Variants in SLC45A1 observed in about 807,000 individuals in gnomAD.
SLC45A1 encodes the protein proton-associated sugar transporter A.
SLC45A1 carries 28 observed loss-of-function variants against 57.6 expected under a neutral mutation model. That is an observed-to-expected ratio of 0.49 (90% CI 0.36 to 0.67). The LOEUF is 0.67. Ranked by LOEUF, SLC45A1 falls within the 30% of genes least tolerant of loss-of-function variation. The pLI, the probability that SLC45A1 is intolerant of heterozygous loss-of-function variation, is 0.00. For missense variants in SLC45A1, 814 were observed against 1,041.5 expected (o/e 0.78, Z 3.01); for synonymous variants, 459 against 471.5 (o/e 0.97, Z 0.34).
chr1:8,330,923 C>G lies in SLC45A1; in HGVS notation c.1430C>G (p.Thr477Ser). The change falls in exon 5 of 9, where the codon ACC (threonine) becomes AGC (serine). Residue 477 changes from threonine to serine, a missense_variant. Physicochemically the swap from Thr to Ser is moderately conservative, Grantham distance 58. Coordinates refer to ENST00000471889, the MANE Select transcript of SLC45A1 (RefSeq NM_001080397.3). This position sits in a 1 kb window ranked among gnomAD's most constrained non-coding sequence, Gnocchi z 8.4. ...GAAACCAGCAGGAGAAGGAATGTGA[C>G]CTTCAGTCAGCAGGTAACAGCAAAT... The part of the protein sequence containing the change: ...GPETSRRRNV[T>S]FSQQVANILL... 3 of 1,590,734 alleles carry G rather than the reference C, an allele frequency of 1.9e-6. No homozygotes were observed. The highest frequency in any genetic ancestry group is 2.6e-6 in the Non-Finnish European group (3 of 1,164,466).
At chr1:8,318,930 T>C (rs1639907004) in intron 1 of SLC45A1, among the ~76,000 whole-genome samples, 1 of 152,182 alleles carries the variant, frequency 6.6e-6, no homozygotes, top group Admixed American at 6.5e-5. Context: ...CCCAAGTCCG[T>C]AGAGCACCTT....
Position 8,339,705 on chromosome 1 carries a change from GCT to G in SLC45A1, c.1980+11_1980+12del. 1 of 1,612,838 alleles carries G rather than the reference GCT, an allele frequency of 6.2e-7. No individual in the cohort carries two copies. The highest frequency in any genetic ancestry group is 8.5e-7 in the Non-Finnish European group (1 of 1,178,838). ...TTACTATCAGAGTAAGAAGGTAAGT[GCT>G]CTCCCTTGTCTTGCTTCGGGTCTGC... On this transcript the variant is annotated splice_region_variant and intron_variant, in intron 8 of 8. Transcript: ENST00000471889.
rs1553150752 is a variant in SLC45A1 at position 8,330,799 on chromosome 1, A to G, written c.1306A>G (p.Arg436Gly). 3 of 1,613,460 alleles carry G rather than the reference A, an allele frequency of 1.9e-6. No individual in the cohort carries two copies. The South Asian group carries it at 3.3e-5, about 18-fold the overall frequency. ...CTCCGGCTGTGACGGGGACATTCTG[A>G]GGGTGGGCTCCTTGGACACCTCTAA... ...LTSGCDGDIL[R>G]VGSLDTSKPR... Residue 436 changes from arginine (R) to glycine (G), a missense_variant, in exon 5 of 9, where the codon AGG becomes GGG. Coordinates refer to ENST00000471889, the MANE Select transcript of SLC45A1 (RefSeq NM_001080397.3). This position sits in a 1 kb window ranked among gnomAD's most constrained non-coding sequence, Gnocchi z 8.4.
intron 5 of SLC45A1, among the ~76,000 whole-genome samples, chr1:8,333,045 C>T (rs1481287811): frequency 6.6e-6 from 1 of 152,086 alleles, no homozygotes; most frequent in East Asian, 1.9e-4. Flanking sequence ...CGCAGACGCA[C>T]GTGGGCCGTG....
Position 8,342,064 on chromosome 1 carries a change from G to A in SLC45A1, c.1981-1683G>A, listed in dbSNP as rs557318201. On this transcript the variant is annotated intron_variant, in intron 8 of 8. Transcript: ENST00000471889. Reference sequence around the variant, plus strand: ...CTACTAAAAATACAAAAAATTAGCCGGGCGTGGTGGCGGGCGCCTGTAGTC... The same window carrying A: ...CTACTAAAAATACAAAAAATTAGCCAGGCGTGGTGGCGGGCGCCTGTAGTC... Among the ~76,000 whole-genome samples, 23 of 147,706 alleles carry A rather than the reference G, an allele frequency of 1.6e-4. 1 individual carries two copies. Among genetic ancestry groups the A allele is most frequent in the Admixed American group, 4.7e-4 (7 of 14,854 alleles).
At chr1:8,338,707 C>G (rs771276233) in intron 7 of SLC45A1, among the ~76,000 whole-genome samples, 3 of 152,232 alleles carry the variant, frequency 2.0e-5, no homozygotes, top group African/African-American at 7.2e-5. Context: ...GCACTGTGTT[C>G]GCTGAAATAC....
chr1:8,330,204 C>T lies in SLC45A1; in HGVS notation c.716-5C>T, dbSNP rs771912671. 15 of 1,611,152 alleles carry T rather than the reference C, an allele frequency of 9.3e-6. No homozygotes were observed. Among genetic ancestry groups the T allele is most frequent in the Non-Finnish European group, 1.3e-5 (15 of 1,178,244 alleles). ...AGGGAACTCAAACCCTGTCTCTTTC[C>T]CCAGGTCTCGGAGGAGGCTTTGGAT... is the stretch of plus-strand genomic sequence containing the variant. On this transcript the variant is annotated splice_polypyrimidine_tract_variant and splice_region_variant and intron_variant, in intron 4 of 8. Coordinates refer to ENST00000471889, the MANE Select transcript of SLC45A1 (RefSeq NM_001080397.3). This position sits in a 1 kb window ranked among gnomAD's most constrained non-coding sequence, Gnocchi z 8.4.
intron 5 of SLC45A1, among the ~76,000 whole-genome samples, chr1:8,331,531 C>T (rs1478738032): frequency 2.6e-5 from 4 of 152,142 alleles, no homozygotes; most frequent in Non-Finnish European, 4.4e-5. Flanking sequence ...GTCCCAACCA[C>T]TCTGGAGGCT....
rs765992491 is a variant in SLC45A1 at position 8,324,325 on chromosome 1, C to T, written c.-5C>T. On this transcript the variant is annotated 5_prime_UTR_variant, in exon 2 of 9. Transcript: ENST00000471889. Reference sequence around the variant, plus strand: ...TCACAGGGACGCCCACCAGCCCTCCCCACGATGATCCCCGCAGCCAGCAGC... The same window carrying T: ...TCACAGGGACGCCCACCAGCCCTCCTCACGATGATCCCCGCAGCCAGCAGC... 4 of 1,610,882 alleles carry T rather than the reference C, an allele frequency of 2.5e-6. No homozygotes were observed. In the South Asian group the frequency reaches 4.4e-5, roughly 18 times the overall value.
At position 8,339,511 on chromosome 1, in the gene SLC45A1, A is replaced by G. The variant is rs1168590425; in HGVS notation, c.1793A>G (p.Glu598Gly). 2 of 1,614,116 alleles carry G rather than the reference A, an allele frequency of 1.2e-6. No individual in the cohort carries two copies. Among genetic ancestry groups the G allele is most frequent in the Middle Eastern group, 1.6e-4 (1 of 6,062 alleles). ...AFYSAILEKL[E>G]EFLSVRTLYF... ...CCCGCAGCTATCCTGGAGAAGCTGGAGGAGTTCCTCAGCGTCCGCACCCTC... is the reference window on the plus strand; with the variant it reads ...CCCGCAGCTATCCTGGAGAAGCTGGGGGAGTTCCTCAGCGTCCGCACCCTC... Residue 598 changes from glutamate (E) to glycine (G), a missense_variant, in exon 8 of 9, where the codon GAG becomes GGG. By Grantham distance (98) the Glu-to-Gly change is moderately conservative. Coordinates refer to ENST00000471889, the MANE Select transcript of SLC45A1 (RefSeq NM_001080397.3).
intron 5 of SLC45A1, among the ~76,000 whole-genome samples, chr1:8,334,196 T>A (rs1016518237): frequency 6.6e-6 from 1 of 152,250 alleles, no homozygotes; most frequent in Admixed American, 6.5e-5. Context: ...AGTTTATGCA[T>A]CAGTTCTTTG....
rs1328847590 is a variant in SLC45A1, at chr1:8,330,206, C to G, written c.716-3C>G. ...GGAACTCAAACCCTGTCTCTTTCCC[C>G]AGGTCTCGGAGGAGGCTTTGGATAC... is the stretch of plus-strand genomic sequence containing the variant. On this transcript the variant is annotated splice_polypyrimidine_tract_variant and splice_region_variant and intron_variant, in intron 4 of 8. Transcript: ENST00000471889. The surrounding 1 kb of genome is among the most constrained non-coding windows in gnomAD (Gnocchi z 8.4). 1 of 1,611,026 alleles carries G rather than the reference C, an allele frequency of 6.2e-7. No individual in the cohort carries two copies. Among genetic ancestry groups the G allele is most frequent in the Non-Finnish European group, 8.5e-7 (1 of 1,178,310 alleles).
chr1:8,342,501 G>A (rs935224098), intron 8 of SLC45A1, among the ~76,000 whole-genome samples: 14 of 152,124 alleles, frequency 9.2e-5, no homozygotes, highest in Non-Finnish European at 1.8e-4. Context: ...TATTTGGGAC[G>A]TCTCCTGTGA....
intron 6 of SLC45A1, 79 bp from the exon 7 acceptor site, chr1:8,337,737 A>T (rs1640665347): frequency 1.5e-6 from 2 of 1,342,998 alleles, no homozygotes; most frequent in African/African-American, 1.5e-5. Context: ...TTTTATAACC[A>T]GTAGACGCAT....
Position 8,343,963 on chromosome 1 carries a change from C to T in SLC45A1, c.2197C>T (p.Pro733Ser). 1 of 1,613,876 alleles carries T rather than the reference C, an allele frequency of 6.2e-7. No individual in the cohort carries two copies. The highest frequency in any genetic ancestry group is 8.5e-7 in the Non-Finnish European group (1 of 1,179,932). The change falls in exon 9 of 9, where the codon CCC (proline) becomes TCC (serine). Residue 733 changes from proline (P) to serine (S), a missense_variant. Physicochemically the swap from Pro to Ser is moderately conservative, Grantham distance 74 (BLOSUM62 -1). Transcript: ENST00000471889. This position sits in a 1 kb window ranked among gnomAD's most constrained non-coding sequence, Gnocchi z 7.7. ...CCTGTTTGTCATTTATGAAATTCCT[C>T]CCAGCGACGCTGCAGACGAGGAGCA... The part of the protein sequence containing the change: ...SSLFVIYEIP[P>S]SDAADEEHRP...
In SLC45A1 at chr1:8,335,677, C is replaced by T. The variant is rs1640587667; in HGVS notation, c.1597+87C>T. ...GCCTCCCAGGATGCCCCTGAGCCTC[C>T]CTTCCCAGAACCTTTCTGAGTTCAC... On this transcript the variant is annotated intron_variant, in intron 6 of 8. Coordinates refer to ENST00000471889, the MANE Select transcript of SLC45A1 (RefSeq NM_001080397.3). The surrounding 1 kb of genome is among the most constrained non-coding windows in gnomAD (Gnocchi z 4.1). The T allele has an allele frequency of 1.4e-6, 2 of 1,414,706 alleles. No individual in the cohort carries two copies. Among genetic ancestry groups the T allele is most frequent in the South Asian group, 2.8e-5 (2 of 71,938 alleles). The allele number at this position is 1,414,706 out of a possible 1,614,324, so 87.6% of individuals were successfully genotyped here.
rs116623008 is a variant in SLC45A1, at chr1:8,322,418, G to A, written c.-24-1888G>A. 9.7e-3 allele frequency among the ~76,000 whole-genome samples: 1,420 copies of A among 146,744 alleles called. 20 individuals are homozygous for A. The highest frequency in any genetic ancestry group is 0.047 in the Middle Eastern group (13 of 274). ...TGGATGGATGCATGGATAGTTGGGT[G>A]GGTAGATGGATGGATGAATGAGTCA... On this transcript the variant is annotated intron_variant, in intron 1 of 8. Coordinates refer to ENST00000471889, the MANE Select transcript of SLC45A1 (RefSeq NM_001080397.3).
At chr1:8,333,319 T>C (rs1247999332) in intron 5 of SLC45A1, among the ~76,000 whole-genome samples, 2 of 152,112 alleles carry the variant, frequency 1.3e-5, no homozygotes, top group Non-Finnish European at 2.9e-5. Context: ...TTAAAAAATG[T>C]AGAGACAGGC....
chr1:8,323,613 CT>C (rs1005525809), intron 1 of SLC45A1, among the ~76,000 whole-genome samples: 4 of 95,800 alleles, frequency 4.2e-5, no homozygotes, highest in Admixed American at 1.2e-4. Context: ...CAGAGTTCGG[CT>C]TATTAAAGAA....
Sources: allele counts gnomAD v4.1 joint callset (sites outside exome capture counted in the v4.1 genomes callset), GRCh38; gene constraint gnomAD v4.1.1; non-coding constraint Gnocchi (gnomAD v3.1); transcripts MANE v1.5; gene names NCBI Gene and HGNC (gene_info 2026-07-23, HGNC 2026-07-21).